RIPOR2: variants seen among roughly 807,000 people sequenced by gnomAD.
The protein encoded by RIPOR2 is rho family-interacting cell polarization regulator 2.
Under a neutral mutation model 114.5 loss-of-function variants are expected in RIPOR2, and 39 were observed. That is an observed-to-expected ratio of 0.34 (90% CI 0.26 to 0.44). The LOEUF (loss-of-function observed/expected upper bound fraction) is 0.44, where lower values mean the gene tolerates loss of function less well. RIPOR2 is among the 20% of genes least tolerant of loss of function. The pLI, the probability that RIPOR2 is intolerant of heterozygous loss-of-function variation, is 1.00. For synonymous variants in RIPOR2, 445 were observed against 484.4 expected, an observed-to-expected ratio of 0.92 and a Z score of 1.07; for missense variants, 1,007 against 1,255.1, an observed-to-expected ratio of 0.80 and a Z score of 2.99.
chr6:24,825,278 G>C lies in RIPOR2; in HGVS notation c.2816C>G (p.Ala939Gly), dbSNP rs1306264439. Reference sequence around the variant, plus strand: ...GGCTGCTGCCAAGTAAAGCGTCACAGCCTCACTAACTTCGTTGTCCTCTCT... The same window carrying C: ...GGCTGCTGCCAAGTAAAGCGTCACACCCTCACTAACTTCGTTGTCCTCTCT... ...LTREDNEVSE[A>G]VTLYLAAASK... Residue 939 changes from alanine to glycine, a missense_variant, in exon 19 of 22, where the codon GCT (alanine) becomes GGT (glycine). Ala to Gly is a moderately conservative substitution (Grantham distance 60, BLOSUM62 0). Coordinates refer to ENST00000643898, the MANE Select transcript of RIPOR2 (RefSeq NM_001286445.3). The C allele has an allele frequency of 1.3e-6, 2 of 1,551,624 alleles. No homozygotes were observed. Among genetic ancestry groups the C allele is most frequent in the Admixed American group, 2.0e-5 (1 of 50,988 alleles).
At chr6:24,857,539 G>A (rs1176053894) in intron 8 of RIPOR2, among the ~76,000 whole-genome samples, 3 of 152,064 alleles carry the variant, frequency 2.0e-5, no homozygotes, top group East Asian at 3.9e-4. Context: ...CCAGAAGAAC[G>A]CTCTACATCA....
intron 1 of RIPOR2, among the ~76,000 whole-genome samples, chr6:25,003,226 A>G (rs552000404): frequency 1.3e-3 from 205 of 152,264 alleles, no homozygotes; most frequent in African/African-American, 4.6e-3. Flanking sequence ...CTAAAACACA[A>G]AACCATTCAG....
chr6:24,841,583 C>T (rs780612572), intron 13 of RIPOR2, among the ~76,000 whole-genome samples: 16 of 151,256 alleles, frequency 1.1e-4, no homozygotes, highest in Non-Finnish European at 2.1e-4. Context: ...TTTCAGATGC[C>T]ACTGGGCAGG....
In RIPOR2 at chr6:24,806,247, C is replaced by T. The variant is rs1255688477; in HGVS notation, c.*126G>A. 2.8e-6 allele frequency: 2 copies of T among 720,272 alleles called. No individual in the cohort carries two copies. Among genetic ancestry groups the T allele is most frequent in the African/African-American group, 3.6e-5 (2 of 55,712 alleles). 44.6% of individuals were successfully genotyped at this position (720,272 alleles called of 1,614,324 possible). A position where few individuals can be genotyped will look rare whatever the true frequency, so the allele number is the denominator to read the frequency against. On this transcript the variant is annotated 3_prime_UTR_variant, in exon 22 of 22. Transcript: ENST00000643898. The stretch of plus-strand genomic sequence containing the variant: ...GGATTACAGGCATGAGCCACTGCAC[C>T]TGGCCTACATTTTTATTTCAGTTGT...
intron 1 of RIPOR2, among the ~76,000 whole-genome samples, chr6:24,944,670 G>A (rs1199088725): frequency 6.6e-6 from 1 of 152,160 alleles, no homozygotes; most frequent in African/African-American, 2.4e-5. Flanking sequence ...CAGATTTGAT[G>A]AACAAGATTA....
chr6:25,039,374 G>A (rs303898), intron 1 of RIPOR2, among the ~76,000 whole-genome samples: 79,177 of 152,024 alleles, frequency 0.52, 20,669 homozygotes, highest in South Asian at 0.56. Flanking sequence ...ACTTGATCCT[G>A]TTCCTGTTTC....
At chr6:24,819,545 G>A (rs60390507) in intron 19 of RIPOR2, among the ~76,000 whole-genome samples, 46,093 of 150,242 alleles carry the variant, frequency 0.31, 8,035 homozygotes, top group East Asian at 0.69. Context: ...ACAGAATCTC[G>A]CTCTGTGGCC....
chr6:25,005,691 G>GGA (rs1491192830), intron 1 of RIPOR2, among the ~76,000 whole-genome samples: 24 of 34,850 alleles, frequency 6.9e-4, no homozygotes, highest in Admixed American at 1.8e-3. Flanking sequence ...AAATCCCTAT[G>GGA]GAGATATATA....
chr6:24,963,746 ATG>A (rs150597947), intron 1 of RIPOR2, among the ~76,000 whole-genome samples: 2 of 150,494 alleles, frequency 1.3e-5, no homozygotes, highest in African/African-American at 2.4e-5. Flanking sequence ...ATGCATGTGA[ATG>A]TGTGTGTGTG....
At chr6:24,933,812 C>T (rs890173240) in intron 1 of RIPOR2, among the ~76,000 whole-genome samples, 1 of 152,162 alleles carries the variant, frequency 6.6e-6, no homozygotes, top group Non-Finnish European at 1.5e-5. Context: ...CCTGCACTAC[C>T]TCCCTCACTT....
At chr6:24,827,393 G>A (rs139970119) in intron 18 of RIPOR2, among the ~76,000 whole-genome samples, 1 of 152,328 alleles carries the variant, frequency 6.6e-6, no homozygotes, top group East Asian at 1.9e-4. Flanking sequence ...CTGGGCTTGC[G>A]CCAGACATGT....
At chr6:24,882,370 C>T (rs1376184957) in intron 1 of RIPOR2, among the ~76,000 whole-genome samples, 1 of 152,202 alleles carries the variant, frequency 6.6e-6, no homozygotes, top group Non-Finnish European at 1.5e-5. Context: ...CAACATCTGC[C>T]AGGTGTGAAT....
chr6:24,864,421 A>G (rs1764381052), intron 7 of RIPOR2, among the ~76,000 whole-genome samples: 1 of 152,190 alleles, frequency 6.6e-6, no homozygotes. Flanking sequence ...TGGTTTAGAC[A>G]AGAGGCAACA....
In RIPOR2 at chr6:24,954,455, C is replaced by CTTTTTTTTTTTTTT. The variant is rs372356246; in HGVS notation, c.77-78639_77-78638insAAAAAAAAAAAAAA. 6.0e-5 allele frequency among the ~76,000 whole-genome samples: 7 copies of CTTTTTTTTTTTTTT among 116,252 alleles called. 2 individuals carry two copies. The highest frequency in any genetic ancestry group is 6.8e-5 in the Non-Finnish European group (4 of 58,480). 76.3% of individuals were successfully genotyped at this position (116,252 alleles called of 152,430 possible). ...AACTGTGCAGGCCCAGTCTCTCTCT[C>CTTTTTTTTTTTTTT]CTTTTTTTTTTTTTTTTTGAGACAG... On this transcript the variant is annotated intron_variant, in intron 1 of 13. Transcript: ENST00000510784.
At chr6:24,969,959 A>C (rs402518) in intron 1 of RIPOR2, among the ~76,000 whole-genome samples, 125,164 of 152,144 alleles carry the variant, frequency 0.82, 54,293 homozygotes, top group East Asian at 0.96. Flanking sequence ...TGTGCTGCAC[A>C]TGGTAGCTGT....
intron 1 of RIPOR2, among the ~76,000 whole-genome samples, chr6:24,934,080 T>C (rs996295247): frequency 2.6e-5 from 4 of 152,104 alleles, no homozygotes; most frequent in African/African-American, 9.7e-5. Flanking sequence ...AGAGCAAAAT[T>C]CCTATAGGCA....
chr6:24,952,675 CTT>C (rs1772836319), intron 1 of RIPOR2, among the ~76,000 whole-genome samples: 1 of 152,156 alleles, frequency 6.6e-6, no homozygotes, highest in South Asian at 2.1e-4. Context: ...TAATTGCACA[CTT>C]ATATAATTTA....
In RIPOR2 at chr6:24,927,146, C is replaced by CTACAACTACAAT. The variant is rs1308464015; in HGVS notation, c.61+8691_61+8692insATTGTAGTTGTA. ...AATCATCATCTCACTACCACCACCA[C>CTACAACTACAAT]CACCACCACCACCACAACTACAATC... On this transcript the variant is annotated intron_variant, in intron 1 of 21. Coordinates refer to ENST00000643898, the MANE Select transcript of RIPOR2 (RefSeq NM_001286445.3). 1.7e-3 allele frequency among the ~76,000 whole-genome samples: 163 copies of CTACAACTACAAT among 97,370 alleles called. 64 individuals are homozygous for CTACAACTACAAT. The highest frequency in any genetic ancestry group is 3.4e-3 in the African/African-American group (88 of 25,642). 63.9% of individuals were successfully genotyped at this position (97,370 alleles called of 152,430 possible). A position where few individuals can be genotyped will look rare whatever the true frequency, so the allele number is the denominator to read the frequency against.
chr6:24,983,697 C>T (rs1292697374), intron 1 of RIPOR2, among the ~76,000 whole-genome samples: 1 of 131,190 alleles, frequency 7.6e-6, no homozygotes, highest in African/African-American at 3.0e-5. Context: ...GCAGAGGTTG[C>T]AGTGAGTCAA....
Sources: allele counts gnomAD v4.1 joint callset (sites outside exome capture counted in the v4.1 genomes callset), GRCh38; gene constraint gnomAD v4.1.1; transcripts MANE v1.5; gene names NCBI Gene and HGNC (gene_info 2026-07-23, HGNC 2026-07-21).